CLK4: variants seen among roughly 807,000 people sequenced by gnomAD.
The protein encoded by CLK4 is dual specificity protein kinase CLK4.
CLK4 carries 37 observed loss-of-function variants against 64.4 expected under a neutral mutation model. The ratio of observed to expected loss-of-function variants is 0.57; its 90% CI spans 0.44 to 0.76. CLK4 has a LOEUF of 0.76. CLK4 is among the 30% of genes least tolerant of loss of function. The pLI, the probability that CLK4 is intolerant of heterozygous loss-of-function variation, is 0.00. For synonymous variants in CLK4, 175 were observed against 191.6 expected (o/e 0.91, Z 0.72); for missense variants, 457 against 605.1 (o/e 0.76, Z 2.57).
chr5:178,607,701 A>G (rs991550235), intron 10 of CLK4, among the ~76,000 whole-genome samples: 5 of 151,580 alleles, frequency 3.3e-5, no homozygotes, highest in African/African-American at 1.2e-4. Context: ...TAGTAGAGAC[A>G]GGGTTTCACC....
chr5:178,607,484 G>A (rs1425205000), intron 10 of CLK4, among the ~76,000 whole-genome samples: 1 of 145,502 alleles, frequency 6.9e-6, no homozygotes, highest in Non-Finnish European at 1.5e-5. Context: ...ACCTTTCCTG[G>A]GTTCTCCCTA....
Position 178,618,764 on chromosome 5 carries a change from G to A in CLK4, c.176C>T (p.Ala59Val). 1 of 1,612,360 alleles carries A rather than the reference G, an allele frequency of 6.2e-7. No homozygotes were observed. Among genetic ancestry groups the A allele is most frequent in the Non-Finnish European group, 8.5e-7 (1 of 1,178,974 alleles). Reference protein sequence around the residue: ...FKESDCHYLEARSLNERDYRD... With the variant: ...FKESDCHYLEVRSLNERDYRD... ...ATAATCTCGCTCATTCAAGGACCTTGCTTCTAAATAATGACTGCAAACACA... is the reference window on the plus strand; with the variant it reads ...ATAATCTCGCTCATTCAAGGACCTTACTTCTAAATAATGACTGCAAACACA... The change falls in exon 3 of 13, where the codon GCA (alanine) becomes GTA (valine). Residue 59 changes from alanine to valine, a missense_variant. Ala to Val is a moderately conservative substitution (Grantham distance 64). Transcript: ENST00000316308.
intron 9 of CLK4, among the ~76,000 whole-genome samples, chr5:178,608,949 C>T (rs936399166): frequency 2.0e-5 from 3 of 152,120 alleles, no homozygotes; most frequent in South Asian, 2.1e-4. Flanking sequence ...GAAATATTAC[C>T]GTTTTGCACA....
At chr5:178,621,838 T>C (rs143288034) in intron 2 of CLK4, 207 of 152,262 alleles carry the variant, frequency 1.4e-3, no homozygotes, top group African/African-American at 4.8e-3. Flanking sequence ...TTTTTAATTA[T>C]AATTTTACAG....
At chr5:178,625,304 G>A (rs1236356891) in intron 1 of CLK4, among the ~76,000 whole-genome samples, 2 of 151,798 alleles carry the variant, frequency 1.3e-5, no homozygotes, top group Non-Finnish European at 2.9e-5. Context: ...CGCACATGGT[G>A]ACTCGAGCCT....
chr5:178,612,683 G>T, intron 8 of CLK4, 113 bp downstream of exon 8: 1 of 1,093,138 alleles, frequency 9.1e-7, no homozygotes, highest in Non-Finnish European at 1.3e-6. Context: ...ACTTCTTTTT[G>T]GTTAAACAAC....
chr5:178,625,903 G>A (rs1408410525), intron 1 of CLK4, among the ~76,000 whole-genome samples: 2 of 152,090 alleles, frequency 1.3e-5, no homozygotes, highest in East Asian at 1.9e-4. Context: ...CGTTCTACGT[G>A]GTAAGGTTCC....
At position 178,616,614 on chromosome 5, in the gene CLK4, G is replaced by A. The variant is rs186137854; in HGVS notation, c.542+268C>T. The stretch of plus-strand genomic sequence containing the variant: ...AGTTCGAGACCACCCAGGCCAACAC[G>A]GTGAAACCCCATCTCTATTAAAAAT... On this transcript the variant is annotated intron_variant, in intron 5 of 12. Coordinates refer to ENST00000316308, the MANE Select transcript of CLK4 (RefSeq NM_020666.3). 9.5e-4 allele frequency among the ~76,000 whole-genome samples: 145 copies of A among 152,080 alleles called. 1 individual carries two copies. The highest frequency in any genetic ancestry group is 9.2e-3 in the South Asian group (44 of 4,804).
chr5:178,617,911 T>C lies in CLK4; in HGVS notation c.385-477A>G, dbSNP rs1171128593. 2.6e-5 allele frequency: 4 copies of C among 152,292 alleles called. No homozygotes were observed. The highest frequency in any genetic ancestry group is 9.7e-5 in the African/African-American group (4 of 41,448). The allele number at this position is 152,292 out of a possible 1,614,324, so 9.4% of individuals were successfully genotyped here. On this transcript the variant is annotated intron_variant, in intron 3 of 12. Transcript: ENST00000316308. This position sits in a 1 kb window ranked among gnomAD's most constrained non-coding sequence, Gnocchi z 5.2. Reference sequence around the variant, plus strand: ...TAAAATAAAAGGGGAAAATAAAGGCTAGTTAATTTCAATGTTCAATCTAAT... The same window carrying C: ...TAAAATAAAAGGGGAAAATAAAGGCCAGTTAATTTCAATGTTCAATCTAAT...
At chr5:178,611,150 T>G (rs1764551660) in intron 9 of CLK4, among the ~76,000 whole-genome samples, 1 of 152,086 alleles carries the variant, frequency 6.6e-6, no homozygotes, top group Admixed American at 6.6e-5. Flanking sequence ...GATGCACCAC[T>G]GTTTGATATA....
At chr5:178,607,580 C>G (rs1003845126) in intron 10 of CLK4, among the ~76,000 whole-genome samples, 2 of 136,660 alleles carry the variant, frequency 1.5e-5, no homozygotes, top group South Asian at 2.4e-4. Flanking sequence ...GGCATGATCT[C>G]GCTCACTGCA....
chr5:178,609,235 A>G (rs1764517498), intron 9 of CLK4, among the ~76,000 whole-genome samples: 1 of 152,270 alleles, frequency 6.6e-6, no homozygotes, highest in African/African-American at 2.4e-5. Flanking sequence ...TAAAAAATGT[A>G]TAAATAAAAT....
intron 7 of CLK4, among the ~76,000 whole-genome samples, chr5:178,613,125 A>T (rs1005773601): frequency 2.0e-5 from 3 of 152,222 alleles, no homozygotes; most frequent in Non-Finnish European, 4.4e-5. Flanking sequence ...AAAAATATTT[A>T]AAAATAAAGA....
intron 3 of CLK4, chr5:178,618,290 AT>A: frequency 6.1e-6 from 1 of 163,300 alleles, no homozygotes; most frequent in South Asian, 2.0e-4. Context: ...AAATAAAAAA[AT>A]AGTTTTATTA....
At chr5:178,623,953 C>T (rs920712784) in intron 1 of CLK4, among the ~76,000 whole-genome samples, 2 of 152,092 alleles carry the variant, frequency 1.3e-5, no homozygotes, top group African/African-American at 4.8e-5. Context: ...TGTCATGCAG[C>T]TTTGGCAAAG....
At position 178,618,654 on chromosome 5, in the gene CLK4, C is replaced by T. The variant is rs377337550; in HGVS notation, c.286G>A (p.Gly96Arg). The T allele has an allele frequency of 5.0e-5, 80 of 1,613,996 alleles. No homozygotes were observed. Among genetic ancestry groups the T allele is most frequent in the South Asian group, 4.8e-4 (44 of 91,080 alleles). ...GATTTACTGCAGTGGATTCGATACC[C>T]GCTTTCAATGTCTCTGTGATAATGT... The part of the protein sequence containing the change: ...PRHYHRDIES[G>R]YRIHCSKSSV... The change falls in exon 3 of 13, where the codon GGG becomes AGG. Residue 96 changes from glycine to arginine, a missense_variant. By Grantham distance (125) the Gly-to-Arg change is moderately radical. Transcript: ENST00000316308.
At chr5:178,605,455 A>C in intron 10 of CLK4, 73 bp from the exon 11 acceptor site, 1 of 925,582 alleles carries the variant, frequency 1.1e-6, no homozygotes, top group Non-Finnish European at 1.6e-6. Context: ...TTAATCTAAA[A>C]TTTTAGTTTC....
intron 1 of CLK4, 112 bp from the exon 2 acceptor site, chr5:178,623,528 G>T: frequency 1.1e-6 from 1 of 910,822 alleles, no homozygotes; most frequent in Non-Finnish European, 1.5e-6. Flanking sequence ...GGTCTTACAG[G>T]CTCCAAAATC....
Position 178,617,369 on chromosome 5 carries a change from T to C in CLK4, c.450A>G (p.Gln150=). 1 of 1,613,984 alleles carries C rather than the reference T, an allele frequency of 6.2e-7. No homozygotes were observed. The highest frequency in any genetic ancestry group is 8.5e-7 in the Non-Finnish European group (1 of 1,179,832). The change falls in exon 4 of 13, where the codon CAA becomes CAG. Residue 150 remains glutamine (Q), a synonymous_variant. Transcript: ENST00000316308. This position sits in a 1 kb window ranked among gnomAD's most constrained non-coding sequence, Gnocchi z 5.2. Reference sequence around the variant, plus strand: ...ATCTTGCTCTTAGAACGTCTCCACTTTGACAGATCAGGTGACCCTCCTCAT... The same window carrying C: ...ATCTTGCTCTTAGAACGTCTCCACTCTGACAGATCAGGTGACCCTCCTCAT... ...EDDEEGHLIC[Q]SGDVLRARYE... is the part of the protein sequence containing the mutation.
Sources: allele counts gnomAD v4.1 joint callset (sites outside exome capture counted in the v4.1 genomes callset), GRCh38; gene constraint gnomAD v4.1.1; non-coding constraint Gnocchi (gnomAD v3.1); transcripts MANE v1.5; gene names NCBI Gene and HGNC (gene_info 2026-07-23, HGNC 2026-07-21).